Variants in OVCH1 observed in about 807,000 individuals in gnomAD.
OVCH1 encodes ovochymase-1.
In OVCH1, 139 loss-of-function variants were observed where a neutral mutation model predicts 138.4. That is an observed-to-expected ratio of 1.00 (90% confidence interval 0.87 to 1.16). The LOEUF (loss-of-function observed/expected upper bound fraction) is 1.16, where lower values mean the gene tolerates loss of function less well. Ranked by LOEUF, OVCH1 falls within the 50% of genes most tolerant of loss-of-function variation. The probability of loss-of-function intolerance (pLI) is 0.00; values close to 1 mark genes in which losing one functional copy is unlikely to be tolerated. For missense variants in OVCH1, 1,367 were observed against 1,357.9 expected (o/e 1.01, Z -0.11); for synonymous variants, 453 against 467.8 (o/e 0.97, Z 0.41).
chr12:29,460,794 T>C (rs1031127172), intron 19 of OVCH1, among the ~76,000 whole-genome samples: 2 of 152,048 alleles, frequency 1.3e-5, no homozygotes, highest in African/African-American at 4.8e-5. Context: ...CTACTGGTGA[T>C]ATCTATGATT....
intron 3 of OVCH1, among the ~76,000 whole-genome samples, chr12:29,420,057 T>C (rs971668970): frequency 2.6e-5 from 4 of 152,184 alleles, no homozygotes. Context: ...TATTTAATCA[T>C]TTGGCTATGG....
At chr12:29,486,834 T>C (rs1187534610) in intron 7 of OVCH1, 1 of 437,946 alleles carries the variant, frequency 2.3e-6, no homozygotes, top group Non-Finnish European at 4.6e-6. Flanking sequence ...ATCTCATTGT[T>C]ACCATTTACA....
exon 5 of OVCH1, chr12:29,491,098 T>G: frequency 6.2e-7 from 1 of 1,612,690 alleles, no homozygotes; most frequent in Non-Finnish European, 8.5e-7. Context: ...GTCTCTTACT[T>G]TTGGAAATCT....
downstream of OVCH1, among the ~76,000 whole-genome samples, chr12:29,409,728 T>C (rs968473852): frequency 3.8e-4 from 58 of 152,290 alleles, no homozygotes; most frequent in African/African-American, 1.3e-3. Flanking sequence ...TTACTTCCAA[T>C]TATGTTGTCA....
intron 22 of OVCH1, among the ~76,000 whole-genome samples, chr12:29,445,676 AT>A (rs35357245): frequency 2.0e-5 from 3 of 152,078 alleles, no homozygotes; most frequent in Non-Finnish European, 4.4e-5. Context: ...GTAGCAAATT[AT>A]TTTATGTTTA....
downstream of OVCH1, among the ~76,000 whole-genome samples, chr12:29,422,890 G>A (rs551709044): frequency 2.3e-4 from 35 of 151,960 alleles, no homozygotes; most frequent in Admixed American, 9.2e-4. Context: ...ACTGACTTTC[G>A]TGTTTATCAT....
intron 26 of OVCH1, among the ~76,000 whole-genome samples, chr12:29,436,104 ATTTT>A (rs1025294897): frequency 5.9e-5 from 9 of 152,036 alleles, no homozygotes; most frequent in African/African-American, 2.2e-4. Flanking sequence ...ATGTGACAAT[ATTTT>A]ATTTAATGGC....
intron 15 of OVCH1, among the ~76,000 whole-genome samples, chr12:29,472,597 A>G (rs757226671): frequency 6.6e-6 from 1 of 152,196 alleles, no homozygotes; most frequent in Non-Finnish European, 1.5e-5. Flanking sequence ...ATTCCAGTCC[A>G]TCAACTTGAA....
chr12:29,447,091 C>A (rs1592048780), intron 22 of OVCH1, among the ~76,000 whole-genome samples: 2 of 151,934 alleles, frequency 1.3e-5, no homozygotes, highest in South Asian at 2.1e-4. Context: ...AGGAAAATAT[C>A]TTTGTATATA....
At chr12:29,446,685 T>A (rs1941624933) in intron 22 of OVCH1, among the ~76,000 whole-genome samples, 1 of 152,072 alleles carries the variant, frequency 6.6e-6, no homozygotes, top group African/African-American at 2.4e-5. Context: ...AAAATGTGTC[T>A]CTCTGTATAA....
intron 8 of OVCH1, among the ~76,000 whole-genome samples, chr12:29,480,318 A>G (rs1592100610): frequency 6.6e-6 from 1 of 152,316 alleles, no homozygotes; most frequent in Admixed American, 6.5e-5. Context: ...CAAATGGGAA[A>G]ATTGGCATTG....
chr12:29,473,647 A>G (rs1432807756), intron 14 of OVCH1, among the ~76,000 whole-genome samples: 2 of 151,890 alleles, frequency 1.3e-5, no homozygotes, highest in African/African-American at 4.8e-5. Context: ...GGCTTCTACC[A>G]CTCACCTCGC....
intron 27 of OVCH1, among the ~76,000 whole-genome samples, chr12:29,432,259 T>C (rs1941282803): frequency 6.6e-6 from 1 of 152,236 alleles, no homozygotes. Flanking sequence ...TTACTCATTT[T>C]AAAATGATCA....
intron 12 of OVCH1, among the ~76,000 whole-genome samples, chr12:29,476,747 A>ACACGCG (rs527331902): frequency 1.5e-4 from 2 of 13,314 alleles, no homozygotes; most frequent in Non-Finnish European, 2.0e-4. Context: ...GCATAAGTAC[A>ACACGCG]CACGCGCGCA....
the OVCH1 span, among the ~76,000 whole-genome samples, chr12:29,403,338 G>A: frequency 6.6e-6 from 1 of 152,278 alleles, no homozygotes; most frequent in African/African-American, 2.4e-5. Flanking sequence ...ATATATATAT[G>A]TAAATTTTCT....
downstream of OVCH1, among the ~76,000 whole-genome samples, chr12:29,411,277 G>T (rs12425807): frequency 0.54 from 72,394 of 134,742 alleles, 21,854 homozygotes; most frequent in Middle Eastern, 0.78. Flanking sequence ...CGTAGTTTGA[G>T]CATCTGAAGC....
At chr12:29,491,633 G>A (rs1943275479) in intron 4 of OVCH1, among the ~76,000 whole-genome samples, 1 of 152,168 alleles carries the variant, frequency 6.6e-6, no homozygotes, top group Admixed American at 6.5e-5. Context: ...ATGGATAATG[G>A]TGGGAAGAGA....
chr12:29,434,508 T>G (rs957640414), intron 26 of OVCH1, among the ~76,000 whole-genome samples: 2 of 151,520 alleles, frequency 1.3e-5, no homozygotes, highest in African/African-American at 4.9e-5. Context: ...TAAAGCACAA[T>G]AAATTGAACA....
intron 12 of OVCH1, among the ~76,000 whole-genome samples, chr12:29,476,789 A>G (rs1056003276): frequency 5.2e-5 from 7 of 135,732 alleles, no homozygotes; most frequent in Non-Finnish European, 6.6e-5. Context: ...ACACACACAC[A>G]CACACACACA....
Sources: gnomAD v4.1 joint callset for allele counts (sites outside exome capture counted in the v4.1 genomes callset) on GRCh38, gnomAD v4.1.1 for gene constraint, MANE v1.5 for transcripts, NCBI Gene and HGNC (gene_info 2026-07-23, HGNC 2026-07-21) for gene names.